The following HMCN2 variants were observed in gnomAD, a reference collection of about 807,000 sequenced individuals.
The protein encoded by HMCN2 is hemicentin-2.
HMCN2 carries 325 observed loss-of-function variants against 377.5 expected under a neutral mutation model. That is an observed-to-expected ratio of 0.86 (90% CI 0.79 to 0.94). HMCN2 has a LOEUF of 0.94. Ranked by LOEUF, HMCN2 falls within the 40% of genes least tolerant of loss-of-function variation. HMCN2 has a pLI of 0.00. For missense variants in HMCN2, 4,543 were observed against 4,725.3 expected (o/e 0.96, Z 1.13); for synonymous variants, 2,007 against 2,046.8 (o/e 0.98, Z 0.53).
Position 130,430,622 on chromosome 9 carries a change from C to T in HMCN2, c.14647+18C>T, listed in dbSNP as rs747076859. 7 of 1,536,130 alleles carry T rather than the reference C, an allele frequency of 4.6e-6. No homozygotes were observed. The highest frequency in any genetic ancestry group is 2.0e-5 in the Admixed American group (1 of 50,154). On this transcript the variant is annotated intron_variant, in intron 95 of 97. Coordinates refer to ENST00000683500, the MANE Select transcript of HMCN2 (RefSeq NM_001291815.2). ...CTGCACAGGTAAGGCCAGGCCCTGA[C>T]CATCCACGGGACACTGCCGTTATGG...
chr9:130,406,152 C>T lies in HMCN2; in HGVS notation c.12537C>T (p.Asn4179=), dbSNP rs778633696. ...CCCCTCGCATTGGCTGGACTGTCAA[C>T]GACCGGCCAGTCACAGGTCTGGGTC... is the stretch of plus-strand genomic sequence containing the variant. ...SPTPRIGWTV[N]DRPVTEGVSE... Residue 4179 remains asparagine, a synonymous_variant, in exon 82 of 98, where the codon AAC becomes AAT. Coordinates refer to ENST00000683500, the MANE Select transcript of HMCN2 (RefSeq NM_001291815.2). 36 of 1,289,684 alleles carry T rather than the reference C, an allele frequency of 2.8e-5. No homozygotes were observed. Among genetic ancestry groups the T allele is most frequent in the South Asian group, 6.2e-5 (5 of 81,038 alleles). The allele number at this position is 1,289,684 out of a possible 1,614,324, so 79.9% of individuals were successfully genotyped here.
At chr9:130,420,858 G>A (rs1843967237) in intron 86 of HMCN2, among the ~76,000 whole-genome samples, 1 of 152,036 alleles carries the variant, frequency 6.6e-6, no homozygotes. Context: ...TTCAACGTAT[G>A]AATTTTGGGT....
chr9:130,391,398 A>G lies in HMCN2; in HGVS notation c.9827+35A>G, dbSNP rs1476706256. On this transcript the variant is annotated intron_variant, in intron 64 of 97. Transcript: ENST00000683500. Reference sequence around the variant, plus strand: ...GGCCCATGCCCTCCCCAGAGGCGGTAGGGCCCATGTTCCCTTACGCCTCTG... The same window carrying G: ...GGCCCATGCCCTCCCCAGAGGCGGTGGGGCCCATGTTCCCTTACGCCTCTG... 9 of 987,750 alleles carry G rather than the reference A, an allele frequency of 9.1e-6. No individual in the cohort carries two copies. The African/African-American group carries it at 1.6e-4, about 17-fold the overall frequency. The allele number at this position is 987,750 out of a possible 1,614,324, so 61.2% of individuals were successfully genotyped here.
Position 130,422,714 on chromosome 9 carries a change from C to A in HMCN2, c.13369C>A (p.Pro4457Thr). 2.3e-6 allele frequency: 3 copies of A among 1,281,918 alleles called. No homozygotes were observed. Among genetic ancestry groups the A allele is most frequent in the Non-Finnish European group, 3.0e-6 (3 of 1,005,580 alleles). 79.4% of individuals were successfully genotyped at this position (1,281,918 alleles called of 1,614,324 possible). A position where few individuals can be genotyped will look rare whatever the true frequency, so the allele number is the denominator to read the frequency against. The change falls in exon 87 of 98, where the codon CCA (proline) becomes ACA (threonine). Residue 4457 changes from proline to threonine, a missense_variant. Pro to Thr is a conservative substitution (Grantham distance 38). Transcript: ENST00000683500. This position sits in a 1 kb window ranked among gnomAD's most constrained non-coding sequence, Gnocchi z 4.2. ...CATCCACAGCAGCATCCGCCATGTC[C>A]CAGCAAACGTGGGTGAGTGGAAGGC... ...SSIHSSIRHVPANVGPLMRVL... is the reference protein window; with the variant it reads ...SSIHSSIRHVTANVGPLMRVL...
intron 7 of HMCN2, among the ~76,000 whole-genome samples, chr9:130,298,117 C>A (rs1371260586): frequency 6.6e-6 from 1 of 152,174 alleles, no homozygotes; most frequent in Non-Finnish European, 1.5e-5. Context: ...ACACACCTGG[C>A]TAATTTTTGT....
chr9:130,281,697 C>T (rs1178842869), intron 1 of HMCN2, among the ~76,000 whole-genome samples: 3 of 151,952 alleles, frequency 2.0e-5, no homozygotes, highest in Non-Finnish European at 4.4e-5. Flanking sequence ...AGTTTGAGAC[C>T]GGCCTGGCCA....
chr9:130,331,555 C>T (rs1009672105), intron 22 of HMCN2, among the ~76,000 whole-genome samples: 113 of 151,584 alleles, frequency 7.5e-4, no homozygotes, highest in African/African-American at 2.6e-3. Context: ...GACCTGGGGT[C>T]CCATCCCAGC....
At chr9:130,285,383 T>TCTC (rs782475326) in intron 3 of HMCN2, 67 bp downstream of exon 3, 31 of 454,670 alleles carry the variant, frequency 6.8e-5, no homozygotes, top group Non-Finnish European at 1.2e-4. Context: ...CTGGGGTCTC[T>TCTC]CTCACCACCT....
Position 130,373,045 on chromosome 9 carries a change from C to T in HMCN2, c.7359C>T (p.Pro2453=). The T allele has an allele frequency of 1.0e-6, 1 of 959,848 alleles. No homozygotes were observed. Among genetic ancestry groups the T allele is most frequent in the Non-Finnish European group, 1.2e-6 (1 of 807,740 alleles). 59.5% of individuals were successfully genotyped at this position (959,848 alleles called of 1,614,324 possible). A position where few individuals can be genotyped will look rare whatever the true frequency, so the allele number is the denominator to read the frequency against. The change falls in exon 48 of 98, where the codon CCC becomes CCT. Residue 2453 remains proline (P), a synonymous_variant. Transcript: ENST00000683500. ...RNFSVEVLVP[P]SIENEDLEEV... is the part of the protein sequence containing the mutation. ...TCTCCCTGCTTCTCCCAGTTCCTCC[C>T]AGTATTGAGAACGAGGACTTGGAGG...
chr9:130,340,419 C>A (rs1480994645), intron 23 of HMCN2, among the ~76,000 whole-genome samples: 1 of 152,236 alleles, frequency 6.6e-6, no homozygotes, highest in African/African-American at 2.4e-5. Context: ...GAGCCACCTC[C>A]GCACATGCTG....
intron 5 of HMCN2, 71 bp downstream of exon 5, chr9:130,295,097 GAA>G: frequency 2.8e-6 from 1 of 353,742 alleles, no homozygotes; most frequent in African/African-American, 2.2e-5. Context: ...ATGGGACAAA[GAA>G]AGAGACCAAG....
intron 6 of HMCN2, 91 bp downstream of exon 6, chr9:130,295,863 C>T (rs375005879): frequency 1.2e-5 from 5 of 424,596 alleles, no homozygotes; most frequent in South Asian, 3.5e-5. Flanking sequence ...CCTGTGGCCT[C>T]GGGAAGCTGA....
chr9:130,382,073 A>T, intron 54 of HMCN2, 111 bp from the exon 55 acceptor site: 1 of 256,360 alleles, frequency 3.9e-6, no homozygotes, highest in Non-Finnish European at 6.1e-6. Flanking sequence ...TTCACAGATG[A>T]GGCAGGGACA....
intron 4 of HMCN2, among the ~76,000 whole-genome samples, 171 bp from the exon 5 acceptor site, chr9:130,294,684 G>C (rs1021569015): frequency 6.6e-6 from 1 of 152,198 alleles, no homozygotes; most frequent in South Asian, 2.1e-4. Flanking sequence ...TCACAGCTTG[G>C]AGCCTATGGA....
intron 4 of HMCN2, among the ~76,000 whole-genome samples, chr9:130,289,710 T>C (rs1554929332): frequency 6.6e-6 from 1 of 152,068 alleles, no homozygotes; most frequent in East Asian, 1.9e-4. Flanking sequence ...GTCCCTCAGT[T>C]CCATCAATGC....
Position 130,394,472 on chromosome 9 carries a change from G to T in HMCN2, c.10589G>T (p.Gly3530Val), listed in dbSNP as rs1232645189. The T allele has an allele frequency of 1.6e-6, 2 of 1,289,816 alleles. No individual in the cohort carries two copies. Among genetic ancestry groups the T allele is most frequent in the Admixed American group, 4.6e-5 (2 of 43,562 alleles). 79.9% of individuals were successfully genotyped at this position (1,289,816 alleles called of 1,614,324 possible). ...ATGGAGCTCCTCTGTGATGCCCAGG[G>T]CACCCCCCAGCCCAACATCACCTGG... The part of the protein sequence containing the change: ...APMELLCDAQ[G>V]TPQPNITWHK... The change falls in exon 69 of 98, where the codon GGC becomes GTC. Residue 3530 changes from glycine (G) to valine (V), a missense_variant. By Grantham distance (109) the Gly-to-Val change is moderately radical. Transcript: ENST00000683500. This position sits in a 1 kb window ranked among gnomAD's most constrained non-coding sequence, Gnocchi z 5.1.
intron 29 of HMCN2, among the ~76,000 whole-genome samples, chr9:130,350,827 G>A (rs1368122940): frequency 2.0e-5 from 3 of 150,874 alleles, no homozygotes; most frequent in African/African-American, 7.3e-5. Context: ...AATCACTTGA[G>A]CCCGGGAGGT....
rs900229839 is a variant in HMCN2, at chr9:130,394,826, T to G, written c.10693-201T>G. ...GAGGGCTGGTGCAGTTAAGGGGGACTTCTGGGAAGAGGCAGGCATCACACC... is the reference window on the plus strand; with the variant it reads ...GAGGGCTGGTGCAGTTAAGGGGGACGTCTGGGAAGAGGCAGGCATCACACC... On this transcript the variant is annotated intron_variant, in intron 69 of 97. Coordinates refer to ENST00000683500, the MANE Select transcript of HMCN2 (RefSeq NM_001291815.2). This position sits in a 1 kb window ranked among gnomAD's most constrained non-coding sequence, Gnocchi z 5.1. Among the ~76,000 whole-genome samples the G allele has an allele frequency of 2.0e-5, 3 of 152,124 alleles. No individual in the cohort carries two copies. Among genetic ancestry groups the G allele is most frequent in the Non-Finnish European group, 4.4e-5 (3 of 68,008 alleles).
chr9:130,403,338 C>T lies in HMCN2; in HGVS notation c.12013+10C>T. 7.8e-7 allele frequency: 1 copy of T among 1,289,772 alleles called. No individual in the cohort carries two copies. The highest frequency in any genetic ancestry group is 1.0e-6 in the Non-Finnish European group (1 of 988,812). The allele number at this position is 1,289,772 out of a possible 1,614,324, so 79.9% of individuals were successfully genotyped here. A position where few individuals can be genotyped will look rare whatever the true frequency, so the allele number is the denominator to read the frequency against. ...CTCAACGTCGCTACTGGTGAGGGCC[C>T]CTGGCAGCCAGCCTGGGAAGGGAAG... On this transcript the variant is annotated intron_variant, in intron 79 of 97. Coordinates refer to ENST00000683500, the MANE Select transcript of HMCN2 (RefSeq NM_001291815.2).
Sources: gnomAD v4.1 joint callset for allele counts (sites outside exome capture counted in the v4.1 genomes callset) on GRCh38, gnomAD v4.1.1 for gene constraint, Gnocchi (gnomAD v3.1) non-coding constraint, MANE v1.5 for transcripts, NCBI Gene and HGNC (gene_info 2026-07-23, HGNC 2026-07-21) for gene names.